The following CEP120 variants were observed in gnomAD, a reference collection of about 807,000 sequenced individuals.
CEP120 encodes the protein centrosomal protein 120.
A neutral mutation model predicts 126.5 loss-of-function variants in CEP120; 113 were observed. The ratio of observed to expected loss-of-function variants is 0.89; its 90% confidence interval spans 0.77 to 1.04. The LOEUF is 1.04. Ranked by LOEUF, CEP120 falls within the 50% of genes least tolerant of loss-of-function variation. The pLI, the probability that CEP120 is intolerant of heterozygous loss-of-function variation, is 0.00. For synonymous variants in CEP120, 400 were observed against 394.3 expected, an observed-to-expected ratio of 1.01 and a Z score of -0.17; for missense variants, 1,230 against 1,155.7, an observed-to-expected ratio of 1.06 and a Z score of -0.93.
chr5:123,389,749 C>A (rs1030384567), intron 8 of CEP120, among the ~76,000 whole-genome samples, 175 bp downstream of exon 8: 5 of 152,196 alleles, frequency 3.3e-5, no homozygotes, highest in Non-Finnish European at 7.3e-5. Context: ...ATCCACCTGC[C>A]TCGGTCTTCC....
At position 123,350,037 on chromosome 5, in the gene CEP120, T is replaced by A. The variant is rs200061679; in HGVS notation, c.2633A>T (p.Glu878Val). 1.5e-4 allele frequency: 237 copies of A among 1,613,438 alleles called. No homozygotes were observed. The highest frequency in any genetic ancestry group is 2.2e-5 in the South Asian group (2 of 90,924). ...GGCAAGGTAACGTAGTCTCATCTGT[T>A]CCAATTCTTCCTGCTGTTTTTTAAG... The part of the protein sequence containing the change: ...ARLKKQQEEL[E>V]QMRLRYLAAE... Residue 878 changes from glutamate (E) to valine (V), a missense_variant, in exon 19 of 20, where the codon GAA (glutamate) becomes GTA (valine). By Grantham distance (121) the Glu-to-Val change is moderately radical (BLOSUM62 -2). Coordinates refer to ENST00000306467, the MANE Select transcript of CEP120 (RefSeq NM_001375405.1).
chr5:123,361,239 C>T (rs928556432), intron 18 of CEP120, among the ~76,000 whole-genome samples: 4 of 151,806 alleles, frequency 2.6e-5, no homozygotes, highest in African/African-American at 9.7e-5. Context: ...GAATCATTTT[C>T]TCTTTGAGAT....
chr5:123,416,155 T>C (rs752577920), intron 2 of CEP120, 31 bp from the exon 3 acceptor site: 4 of 1,335,324 alleles, frequency 3.0e-6, no homozygotes, highest in East Asian at 4.7e-5. Flanking sequence ...AATAAAATGG[T>C]TTTTGCTTAA....
Position 123,349,996 on chromosome 5 carries a change from T to C in CEP120, c.2674A>G (p.Thr892Ala). Residue 892 changes from threonine to alanine, a missense_variant, in exon 19 of 20, where the codon ACA (threonine) becomes GCA (alanine). By Grantham distance (58) the Thr-to-Ala change is moderately conservative. Coordinates refer to ENST00000306467, the MANE Select transcript of CEP120 (RefSeq NM_001375405.1). ...AATTCTTGTCGCTCGGTTTTTACTG[T>C]ATCTTTTTCCTCAGCGGCAAGGTAA... ...LRYLAAEEKD[T>A]VKTERQELLD... 1 of 1,613,866 alleles carries C rather than the reference T, an allele frequency of 6.2e-7. No homozygotes were observed. The highest frequency in any genetic ancestry group is 8.5e-7 in the Non-Finnish European group (1 of 1,179,880).
chr5:123,421,934 C>A (rs923659306), intron 1 of CEP120, among the ~76,000 whole-genome samples: 2 of 152,192 alleles, frequency 1.3e-5, no homozygotes, highest in Non-Finnish European at 2.9e-5. Context: ...TCACACAGTG[C>A]CAGGCCTTTA....
At position 123,377,517 on chromosome 5, in the gene CEP120, C is replaced by T; in HGVS notation, c.2215G>A (p.Glu739Lys). ...TTCCGCTGACGTTCTGATTGCAGTT[C>T]CTTTTTTTCTCTTTGAAGCTTAAAA... ...VESELQREKK[E>K]LQSERQRNLQ... The change falls in exon 16 of 20, where the codon GAA (glutamate) becomes AAA (lysine). Residue 739 changes from glutamate to lysine, a missense_variant. Coordinates refer to ENST00000306467, the MANE Select transcript of CEP120 (RefSeq NM_001375405.1). 2 of 1,583,736 alleles carry T rather than the reference C, an allele frequency of 1.3e-6. No homozygotes were observed. Among genetic ancestry groups the T allele is most frequent in the African/African-American group, 1.4e-5 (1 of 72,800 alleles).
At chr5:123,374,986 C>A (rs1209685880) in intron 16 of CEP120, among the ~76,000 whole-genome samples, 4 of 152,030 alleles carry the variant, frequency 2.6e-5, no homozygotes, top group Non-Finnish European at 5.9e-5. Context: ...AGTACAGATA[C>A]TTCATCTTCA....
At chr5:123,355,753 G>T (rs1373789340) in intron 18 of CEP120, among the ~76,000 whole-genome samples, 2 of 151,822 alleles carry the variant, frequency 1.3e-5, no homozygotes, top group Non-Finnish European at 2.9e-5. Context: ...TCTGATGGTA[G>T]TTTCTTTTGC....
chr5:123,387,725 G>C (rs1263105304), intron 9 of CEP120, among the ~76,000 whole-genome samples: 4 of 151,996 alleles, frequency 2.6e-5, no homozygotes, highest in Non-Finnish European at 5.9e-5. Flanking sequence ...AAAAATTTAT[G>C]AGGAGATGCT....
chr5:123,352,664 T>G (rs941722905), intron 18 of CEP120, among the ~76,000 whole-genome samples: 1 of 152,050 alleles, frequency 6.6e-6, no homozygotes, highest in African/African-American at 2.4e-5. Context: ...ATTTTAGCTA[T>G]TCTTGGCTCT....
chr5:123,382,898 TGA>T lies in CEP120; in HGVS notation c.1861-11_1861-10del. 1 of 1,611,516 alleles carries T rather than the reference TGA, an allele frequency of 6.2e-7. No homozygotes were observed. Among genetic ancestry groups the T allele is most frequent in the East Asian group, 2.2e-5 (1 of 44,826 alleles). Reference sequence around the variant, plus strand: ...TGTACGGCAGATACACCCTAAGAGATGAACCAAAAAGTACATTTAAACACTCA... The same window carrying T: ...TGTACGGCAGATACACCCTAAGAGATACCAAAAAGTACATTTAAACACTCA... On this transcript the variant is annotated splice_polypyrimidine_tract_variant and intron_variant, in intron 12 of 19. Transcript: ENST00000306467.
intron 4 of CEP120, among the ~76,000 whole-genome samples, chr5:123,404,242 GA>G (rs1321494512): frequency 6.6e-6 from 1 of 152,060 alleles, no homozygotes; most frequent in African/African-American, 2.4e-5. Context: ...TTCACTGAGG[GA>G]AAAAATAATA....
chr5:123,347,192 TAGAG>T (rs912031574), intron 19 of CEP120, among the ~76,000 whole-genome samples: 2 of 152,206 alleles, frequency 1.3e-5, no homozygotes, highest in African/African-American at 4.8e-5. Flanking sequence ...CTCATTTATA[TAGAG>T]ATTTTTTAAT....
At chr5:123,399,410 G>A (rs1773024052) in intron 4 of CEP120, 126 bp from the exon 5 acceptor site, 1 of 844,074 alleles carries the variant, frequency 1.2e-6, no homozygotes, top group African/African-American at 1.7e-5. Flanking sequence ...TATCTAATAA[G>A]GTTTCCTTTA....
chr5:123,356,603 T>G (rs1395972496), intron 18 of CEP120, among the ~76,000 whole-genome samples: 1 of 126,198 alleles, frequency 7.9e-6, no homozygotes, highest in East Asian at 2.5e-4. Context: ...TCTCTCCTTT[T>G]AATCAAATAA....
At chr5:123,390,270 T>A (rs1389209288) in intron 7 of CEP120, 130 bp from the exon 8 acceptor site, 1 of 792,760 alleles carries the variant, frequency 1.3e-6, no homozygotes, top group African/African-American at 1.7e-5. Context: ...TCTATTTTTC[T>A]TCGTAATTTG....
intron 3 of CEP120, among the ~76,000 whole-genome samples, chr5:123,412,990 G>C (rs1342987745): frequency 6.6e-6 from 1 of 152,090 alleles, no homozygotes; most frequent in Non-Finnish European, 1.5e-5. Flanking sequence ...GGAAAATCTT[G>C]GATGGGTGGC....
intron 19 of CEP120, among the ~76,000 whole-genome samples, chr5:123,349,012 A>C (rs1769020403): frequency 6.6e-6 from 1 of 152,146 alleles, no homozygotes; most frequent in South Asian, 2.1e-4. Context: ...CACTTTGCTC[A>C]AAGAAAAATA....
intron 5 of CEP120, among the ~76,000 whole-genome samples, chr5:123,394,487 C>T (rs1004670767): frequency 2.0e-5 from 3 of 152,140 alleles, no homozygotes; most frequent in African/African-American, 4.8e-5. Flanking sequence ...AGGCAGAGCT[C>T]GGGCCCTAAT....
Sources: gnomAD v4.1 joint callset for allele counts (sites outside exome capture counted in the v4.1 genomes callset) on GRCh38, gnomAD v4.1.1 for gene constraint, MANE v1.5 for transcripts, NCBI Gene and HGNC (gene_info 2026-07-23, HGNC 2026-07-21) for gene names.